The following NCOA2 variants were observed in gnomAD, a reference collection of about 807,000 sequenced individuals.
The protein encoded by NCOA2 is class E basic helix-loop-helix protein 75.
In NCOA2, 21 loss-of-function variants were observed where a neutral mutation model predicts 145.1. The ratio of observed to expected loss-of-function variants is 0.14; its 90% CI spans 0.10 to 0.21. The LOEUF is 0.21. Among genes scored for constraint, NCOA2 ranks in the 10% least tolerant of loss-of-function variants. The probability of loss-of-function intolerance (pLI) is 1.00; values close to 1 mark genes in which losing one functional copy is unlikely to be tolerated. For synonymous variants in NCOA2, 619 were observed against 637.5 expected (o/e 0.97, Z 0.44); for missense variants, 1,472 against 1,837.6 (o/e 0.80, Z 3.64).
At chr8:70,294,116 A>C (rs555719738) in intron 2 of NCOA2, among the ~76,000 whole-genome samples, 2 of 152,278 alleles carry the variant, frequency 1.3e-5, no homozygotes, top group South Asian at 4.1e-4. Flanking sequence ...AGCTTTGAAA[A>C]TAAACTAAGT....
At chr8:70,184,982 A>T (rs190095218) in intron 4 of NCOA2, among the ~76,000 whole-genome samples, 1 of 152,212 alleles carries the variant, frequency 6.6e-6, no homozygotes, top group South Asian at 2.1e-4. Context: ...TTGCTCCCCA[A>T]TGCATTTTGT....
the NCOA2 span, among the ~76,000 whole-genome samples, chr8:70,447,682 C>CTTTTTT: frequency 0.17 from 18,866 of 112,404 alleles, 2,154 homozygotes; most frequent in East Asian, 0.28. Flanking sequence ...TCTTTGTTTT[C>CTTTTTT]TTTTTTTTTT....
At chr8:70,226,450 T>C (rs1325873989) in intron 2 of NCOA2, among the ~76,000 whole-genome samples, 1 of 152,022 alleles carries the variant, frequency 6.6e-6, no homozygotes, top group Admixed American at 6.6e-5. Context: ...AGAAAAAATC[T>C]TGCAACAACT....
chr8:70,203,261 CA>C (rs34990647), intron 4 of NCOA2, among the ~76,000 whole-genome samples: 18 of 121,940 alleles, frequency 1.5e-4, no homozygotes, highest in East Asian at 4.4e-4. Flanking sequence ...GACTCTGTCT[CA>C]AAAAAAAAAA....
At chr8:70,298,803 T>C (rs1478281380) in intron 1 of NCOA2, among the ~76,000 whole-genome samples, 1 of 152,210 alleles carries the variant, frequency 6.6e-6, no homozygotes, top group East Asian at 1.9e-4. Flanking sequence ...GGTTCACACC[T>C]GTAATCCCAG....
intron 1 of NCOA2, among the ~76,000 whole-genome samples, chr8:70,367,726 A>C (rs1208168774): frequency 6.6e-6 from 1 of 152,230 alleles, no homozygotes; most frequent in Non-Finnish European, 1.5e-5. Context: ...TTTCTTCAGA[A>C]AGAATCAAAG....
intron 11 of NCOA2, among the ~76,000 whole-genome samples, chr8:70,154,435 C>T (rs1812072680): frequency 6.6e-6 from 1 of 152,130 alleles, no homozygotes; most frequent in South Asian, 2.1e-4. Flanking sequence ...TTTTTTGAGA[C>T]AGGGTCTCAA....
intron 4 of NCOA2, among the ~76,000 whole-genome samples, chr8:70,189,409 A>C (rs1378613540): frequency 6.6e-6 from 1 of 152,126 alleles, no homozygotes; most frequent in African/African-American, 2.4e-5. Context: ...AACTCCCTCA[A>C]GATTGTCCAG....
At chr8:70,383,849 T>C (rs193277326) in intron 1 of NCOA2, among the ~76,000 whole-genome samples, 36 of 152,118 alleles carry the variant, frequency 2.4e-4, no homozygotes, top group African/African-American at 7.2e-4. Flanking sequence ...CTCATACTTC[T>C]AAGAAAAAAA....
intron 1 of NCOA2, among the ~76,000 whole-genome samples, chr8:70,365,689 AGT>A (rs775739891): frequency 2.6e-5 from 4 of 152,234 alleles, no homozygotes; most frequent in Non-Finnish European, 5.9e-5. Flanking sequence ...ATGCCTTATA[AGT>A]GTTCCACACT....
At chr8:70,297,408 A>T (rs982179980) in intron 1 of NCOA2, among the ~76,000 whole-genome samples, 1 of 152,196 alleles carries the variant, frequency 6.6e-6, no homozygotes, top group African/African-American at 2.4e-5. Flanking sequence ...ATCACAGCTC[A>T]CTGCAACCTC....
intron 7 of NCOA2, among the ~76,000 whole-genome samples, chr8:70,163,996 G>C (rs1813337811): frequency 6.6e-6 from 1 of 152,168 alleles, no homozygotes; most frequent in Non-Finnish European, 1.5e-5. Context: ...TCAAGGGTTT[G>C]CTTCTTGAGT....
At chr8:70,179,100 C>A (rs1250809880) in intron 4 of NCOA2, among the ~76,000 whole-genome samples, 1 of 151,998 alleles carries the variant, frequency 6.6e-6, no homozygotes, top group Non-Finnish European at 1.5e-5. Context: ...AATTTTTATT[C>A]CTCATTAATA....
intron 4 of NCOA2, among the ~76,000 whole-genome samples, chr8:70,181,372 A>G (rs542801824): frequency 2.0e-4 from 30 of 152,356 alleles, no homozygotes; most frequent in African/African-American, 7.0e-4. Flanking sequence ...GAGGTTGTAG[A>G]AAACGCGCAG....
intron 7 of NCOA2, among the ~76,000 whole-genome samples, chr8:70,164,850 T>C (rs1813433892): frequency 6.6e-6 from 1 of 151,858 alleles, no homozygotes; most frequent in African/African-American, 2.4e-5. Flanking sequence ...GTATGAGTTA[T>C]TAACTCATTT....
At chr8:70,236,201 C>T (rs574941069) in intron 2 of NCOA2, among the ~76,000 whole-genome samples, 2 of 152,186 alleles carry the variant, frequency 1.3e-5, no homozygotes, top group Non-Finnish European at 2.9e-5. Flanking sequence ...CTAATCACTA[C>T]TACTTCTATT....
At position 70,137,131 on chromosome 8, in the gene NCOA2, C is replaced by A. The variant is rs572960874; in HGVS notation, c.3158+1072G>T. 3.3e-5 allele frequency among the ~76,000 whole-genome samples: 5 copies of A among 152,332 alleles called. No homozygotes were observed. The South Asian group carries it at 8.3e-4, about 25-fold the overall frequency. ...CTCAGCTCACCACAACCTCTGCCTT[C>A]CGGGTTCAAGCGATTCTCCTGCCTC... On this transcript the variant is annotated intron_variant, in intron 15 of 22. Transcript: ENST00000452400.
chr8:70,124,678 T>C lies in NCOA2; in HGVS notation c.4094+10A>G. ...GTGGCGGTATGAAAAGGAGAAGGAT[T>C]TGCGGTTACCTGTTTCCGCCCATGT... On this transcript the variant is annotated intron_variant, in intron 20 of 22. Transcript: ENST00000452400. 1.3e-6 allele frequency: 2 copies of C among 1,595,172 alleles called. No homozygotes were observed. The highest frequency in any genetic ancestry group is 1.8e-5 in the Admixed American group (1 of 56,758).
chr8:70,323,313 G>A (rs940705891), intron 1 of NCOA2, among the ~76,000 whole-genome samples: 13 of 152,306 alleles, frequency 8.5e-5, no homozygotes, highest in Non-Finnish European at 1.6e-4. Context: ...ATAATGGCTA[G>A]CTAAAGTTGA....
Sources: gnomAD v4.1 joint callset for allele counts (sites outside exome capture counted in the v4.1 genomes callset) on GRCh38, gnomAD v4.1.1 for gene constraint, MANE v1.5 for transcripts, NCBI Gene and HGNC (gene_info 2026-07-23, HGNC 2026-07-21) for gene names.